Variants in PTPN13 observed in about 807,000 individuals in gnomAD.
The protein encoded by PTPN13 is protein tyrosine phosphatase non-receptor type 13.
A neutral mutation model predicts 284.0 loss-of-function variants in PTPN13; 191 were observed. The observed-to-expected ratio is 0.67, with a 90% CI of 0.60 to 0.76. The LOEUF (loss-of-function observed/expected upper bound fraction) is 0.76, where lower values mean the gene tolerates loss of function less well. Ranked by LOEUF, PTPN13 falls within the 30% of genes least tolerant of loss-of-function variation. The probability of loss-of-function intolerance (pLI) is 0.00; values close to 1 mark genes in which losing one functional copy is unlikely to be tolerated. For missense variants in PTPN13, 2,797 were observed against 2,939.9 expected, an observed-to-expected ratio of 0.95 and a Z score of 1.12; for synonymous variants, 986 against 1,022.3, an observed-to-expected ratio of 0.96 and a Z score of 0.68.
At chr4:86,617,195 G>A (rs907356582) in intron 1 of PTPN13, among the ~76,000 whole-genome samples, 6 of 152,046 alleles carry the variant, frequency 3.9e-5, no homozygotes, top group Admixed American at 1.3e-4. Flanking sequence ...ATCTAATGTG[G>A]TAGCCACAAG....
At chr4:86,595,768 T>A in intron 1 of PTPN13, 2 of 985,708 alleles carry the variant, frequency 2.0e-6, no homozygotes, top group Non-Finnish European at 2.4e-6. Flanking sequence ...ACACCTGATC[T>A]GTGGGATGAA....
chr4:86,740,912 CA>C (rs144628774), intron 15 of PTPN13, among the ~76,000 whole-genome samples: 31 of 144,324 alleles, frequency 2.1e-4, no homozygotes, highest in East Asian at 2.0e-3. Flanking sequence ...AATCTCTTTG[CA>C]AAAAAAAAAG....
At chr4:86,655,497 A>G (rs976732456) in intron 2 of PTPN13, among the ~76,000 whole-genome samples, 5 of 152,088 alleles carry the variant, frequency 3.3e-5, no homozygotes, top group African/African-American at 9.7e-5. Context: ...TCCTTCACTT[A>G]TGAAGCTTAG....
At chr4:86,668,762 A>ATTT (rs776320959) in intron 2 of PTPN13, among the ~76,000 whole-genome samples, 81 of 112,284 alleles carry the variant, frequency 7.2e-4, no homozygotes, top group Middle Eastern at 4.3e-3. Context: ...CGCCCAGCTA[A>ATTT]TTTTTTTTTT....
chr4:86,635,133 T>C, intron 1 of PTPN13, 119 bp from the exon 2 acceptor site: 1 of 1,058,484 alleles, frequency 9.4e-7, no homozygotes, highest in South Asian at 1.7e-5. Flanking sequence ...TTGGTAGCCA[T>C]ATTGAGAAAT....
intron 7 of PTPN13, among the ~76,000 whole-genome samples, chr4:86,703,917 A>G (rs1731438281): frequency 6.6e-6 from 1 of 152,126 alleles, no homozygotes; most frequent in Non-Finnish European, 1.5e-5. Context: ...TCATGCCTGT[A>G]ATCCTGGCAC....
At chr4:86,799,664 G>A (rs1015563763) in intron 42 of PTPN13, among the ~76,000 whole-genome samples, 1 of 151,696 alleles carries the variant, frequency 6.6e-6, no homozygotes, top group Non-Finnish European at 1.5e-5. Context: ...GTTAAATCAT[G>A]TAGACAAAAA....
intron 1 of PTPN13, among the ~76,000 whole-genome samples, chr4:86,607,373 A>G (rs911121916): frequency 1.3e-5 from 2 of 151,978 alleles, no homozygotes; most frequent in Non-Finnish European, 2.9e-5. Flanking sequence ...CATCTAAATG[A>G]ACACTGAAAA....
At chr4:86,745,471 T>C (rs1293854260) in intron 17 of PTPN13, among the ~76,000 whole-genome samples, 3 of 152,080 alleles carry the variant, frequency 2.0e-5, no homozygotes, top group Non-Finnish European at 4.4e-5. Flanking sequence ...GAAACAGCAA[T>C]ACACAATAGA....
intron 1 of PTPN13, among the ~76,000 whole-genome samples, chr4:86,596,923 A>G (rs1243131725): frequency 6.6e-6 from 1 of 152,120 alleles, no homozygotes; most frequent in Non-Finnish European, 1.5e-5. Flanking sequence ...ACACAACCAT[A>G]CTCCAAGCCA....
rs143776367 is a variant in PTPN13 at position 86,719,479 on chromosome 4, A to G, written c.1385+2362A>G. On this transcript the variant is annotated intron_variant, in intron 9 of 47. Coordinates refer to ENST00000411767, the MANE Select transcript of PTPN13 (RefSeq NM_080683.3). ...TTACGGTAGAGTGATTTATATTCCT[A>G]TGGGTATATACCCAGTAATGGGATT... Among the ~76,000 whole-genome samples, 468 of 152,078 alleles carry G rather than the reference A, an allele frequency of 3.1e-3. 5 individuals carry two copies. The highest frequency in any genetic ancestry group is 0.011 in the African/African-American group (441 of 41,496).
At chr4:86,626,782 TAA>T (rs1474709175) in intron 1 of PTPN13, among the ~76,000 whole-genome samples, 1 of 152,084 alleles carries the variant, frequency 6.6e-6, no homozygotes, top group East Asian at 1.9e-4. Flanking sequence ...TTTAGGGGAA[TAA>T]AAAGTTATAT....
intron 2 of PTPN13, among the ~76,000 whole-genome samples, chr4:86,649,528 G>A (rs1724839465): frequency 6.6e-6 from 1 of 152,136 alleles, no homozygotes; most frequent in South Asian, 2.1e-4. Context: ...TCAAAACTGA[G>A]TTCACTGTGA....
At chr4:86,733,402 T>G (rs1231640024) in intron 12 of PTPN13, among the ~76,000 whole-genome samples, 1 of 152,080 alleles carries the variant, frequency 6.6e-6, no homozygotes, top group African/African-American at 2.4e-5. Flanking sequence ...TATTTCAGAT[T>G]CCTGTTTACC....
At chr4:86,716,451 A>G in intron 7 of PTPN13, 79 bp from the exon 8 acceptor site, 2 of 859,172 alleles carry the variant, frequency 2.3e-6, no homozygotes, top group Non-Finnish European at 3.6e-6. Context: ...TTAGTCCCAC[A>G]GGATTAAAAT....
intron 2 of PTPN13, among the ~76,000 whole-genome samples, chr4:86,662,988 C>G (rs957305297): frequency 6.6e-6 from 1 of 152,144 alleles, no homozygotes; most frequent in Non-Finnish European, 1.5e-5. Context: ...GCTCTCCAGC[C>G]TGGGTGACAG....
intron 15 of PTPN13, among the ~76,000 whole-genome samples, chr4:86,739,250 T>G (rs1426529870): frequency 6.6e-6 from 1 of 152,204 alleles, no homozygotes; most frequent in African/African-American, 2.4e-5. Flanking sequence ...TAAAAGATTA[T>G]CCTTTCCACA....
At position 86,595,832 on chromosome 4, in the gene PTPN13, G is replaced by C. The variant is rs951898673; in HGVS notation, c.-6+1043G>C. The stretch of plus-strand genomic sequence containing the variant: ...AGATTTTAAAATTTATATCTAGAAA[G>C]TTTACTAAAGGATGGGGGGGGGAGT... On this transcript the variant is annotated intron_variant, in intron 1 of 47. Transcript: ENST00000411767. The C allele has an allele frequency of 2.6e-5, 22 of 847,454 alleles. No individual in the cohort carries two copies. In the African/African-American group the frequency reaches 3.9e-4, roughly 15 times the overall value. The allele number at this position is 847,454 out of a possible 1,614,324, so 52.5% of individuals were successfully genotyped here.
intron 1 of PTPN13, among the ~76,000 whole-genome samples, chr4:86,603,771 A>G (rs1483341507): frequency 6.6e-6 from 1 of 152,094 alleles, no homozygotes; most frequent in African/African-American, 2.4e-5. Context: ...TTTATTCAGC[A>G]TGAACTCAGA....
Sources: gnomAD v4.1 joint callset for allele counts (sites outside exome capture counted in the v4.1 genomes callset) on GRCh38, gnomAD v4.1.1 for gene constraint, MANE v1.5 for transcripts, NCBI Gene and HGNC (gene_info 2026-07-23, HGNC 2026-07-21) for gene names.